Variants in ALK observed in about 807,000 individuals in gnomAD.
ALK encodes ALK receptor tyrosine kinase, also known as ALK tyrosine kinase receptor.
A neutral mutation model predicts 163.1 loss-of-function variants in ALK; 74 were observed. The ratio of observed to expected loss-of-function variants is 0.45; its 90% confidence interval spans 0.38 to 0.55. ALK has a LOEUF of 0.55. Ranked by LOEUF, ALK falls within the 20% of genes least tolerant of loss-of-function variation. The pLI is 0.00. For missense variants in ALK, 2,063 were observed against 2,105.3 expected, an observed-to-expected ratio of 0.98 and a Z score of 0.39; for synonymous variants, 960 against 843.2, an observed-to-expected ratio of 1.14 and a Z score of -2.40.
chr2:29,766,543 T>C (rs919856991), intron 1 of ALK, among the ~76,000 whole-genome samples: 24 of 152,182 alleles, frequency 1.6e-4, no homozygotes, highest in Non-Finnish European at 2.9e-4. Context: ...ATATTTCCCC[T>C]GGGTCTCCCA....
chr2:29,918,459 A>C (rs185841180), intron 1 of ALK, among the ~76,000 whole-genome samples: 11 of 152,382 alleles, frequency 7.2e-5, no homozygotes, highest in Non-Finnish European at 1.5e-4. Flanking sequence ...GTGGAACAAC[A>C]GTATCAGTCT....
intron 4 of ALK, among the ~76,000 whole-genome samples, chr2:29,475,174 A>C (rs1259200247): frequency 6.6e-6 from 1 of 152,200 alleles, no homozygotes; most frequent in Non-Finnish European, 1.5e-5. Flanking sequence ...CAAGCAAGGC[A>C]GTGGGCGAGG....
At chr2:29,483,565 T>A (rs1671715429) in intron 4 of ALK, among the ~76,000 whole-genome samples, 1 of 152,220 alleles carries the variant, frequency 6.6e-6, no homozygotes, top group South Asian at 2.1e-4. Flanking sequence ...AGACAGTTCA[T>A]CTCTAAATAA....
chr2:29,516,156 T>C (rs958814670), intron 4 of ALK, among the ~76,000 whole-genome samples: 3 of 152,222 alleles, frequency 2.0e-5, no homozygotes, highest in Non-Finnish European at 2.9e-5. Context: ...GAATACATTA[T>C]GTACATGTCT....
intron 5 of ALK, among the ~76,000 whole-genome samples, chr2:29,355,716 G>A (rs535212963): frequency 6.6e-6 from 1 of 152,218 alleles, no homozygotes; most frequent in African/African-American, 2.4e-5. Flanking sequence ...TTTAGGTCAG[G>A]CATTAAAACC....
chr2:29,446,144 A>AC (rs1670674318), intron 4 of ALK, among the ~76,000 whole-genome samples: 1 of 44,738 alleles, frequency 2.2e-5, no homozygotes, highest in Non-Finnish European at 7.8e-5. Flanking sequence ...GCTGTCTCAA[A>AC]AAAACAAACA....
chr2:29,511,146 G>T (rs189381672), intron 4 of ALK, among the ~76,000 whole-genome samples: 38 of 152,074 alleles, frequency 2.5e-4, no homozygotes, highest in Middle Eastern at 3.4e-3. Flanking sequence ...TGCAATAAAT[G>T]GTATCCATTT....
At chr2:29,761,062 G>T (rs971112370) in intron 1 of ALK, among the ~76,000 whole-genome samples, 4 of 152,152 alleles carry the variant, frequency 2.6e-5, no homozygotes, top group African/African-American at 9.7e-5. Flanking sequence ...CCTGCCCAGG[G>T]AGAACACAGC....
chr2:29,264,056 G>A (rs930806458), intron 11 of ALK, among the ~76,000 whole-genome samples: 3 of 152,130 alleles, frequency 2.0e-5, no homozygotes, highest in Non-Finnish European at 2.9e-5. Context: ...CAACTTTTTC[G>A]TGCTTCTTCA....
chr2:29,840,601 T>C (rs1457596817), intron 1 of ALK, among the ~76,000 whole-genome samples: 1 of 152,214 alleles, frequency 6.6e-6, no homozygotes, highest in African/African-American at 2.4e-5. Flanking sequence ...TTTTCAAATG[T>C]GTTTTCTGTT....
At chr2:29,250,496 G>A (rs1373421356) in intron 12 of ALK, among the ~76,000 whole-genome samples, 2 of 152,216 alleles carry the variant, frequency 1.3e-5, no homozygotes, top group African/African-American at 4.8e-5. Flanking sequence ...CTGCAGGAGG[G>A]GGTCTTGCAA....
chr2:29,485,305 CATCTT>C (rs1377603347), intron 4 of ALK, among the ~76,000 whole-genome samples: 1 of 152,178 alleles, frequency 6.6e-6, no homozygotes, highest in African/African-American at 2.4e-5. Flanking sequence ...TCCCAGAGTT[CATCTT>C]ATCTGCTGAG....
At chr2:29,465,701 A>G (rs1415993387) in intron 4 of ALK, among the ~76,000 whole-genome samples, 2 of 152,178 alleles carry the variant, frequency 1.3e-5, no homozygotes, top group Admixed American at 1.3e-4. Context: ...TTCAAAAAAA[A>G]ACAAAAACAA....
intron 3 of ALK, among the ~76,000 whole-genome samples, chr2:29,593,272 TCCCAGAAGAG>T (rs1284548048): frequency 1.3e-5 from 2 of 152,104 alleles, no homozygotes; most frequent in African/African-American, 2.4e-5. Flanking sequence ...GTCAGAAAAG[TCCCAGAAGAG>T]GGATGGCTGG....
chr2:29,898,089 G>A (rs1036357065), intron 1 of ALK, among the ~76,000 whole-genome samples: 4 of 152,214 alleles, frequency 2.6e-5, no homozygotes, highest in African/African-American at 9.6e-5. Context: ...AAAAGAAAGA[G>A]GGAGGGTGAA....
chr2:29,311,664 C>A (rs1666697997), intron 8 of ALK, among the ~76,000 whole-genome samples: 1 of 152,176 alleles, frequency 6.6e-6, no homozygotes, highest in Non-Finnish European at 1.5e-5. Flanking sequence ...CCAGGAGCTC[C>A]CCTGGGGAAA....
At chr2:29,767,614 T>C (rs562059275) in intron 1 of ALK, among the ~76,000 whole-genome samples, 2 of 152,314 alleles carry the variant, frequency 1.3e-5, no homozygotes, top group South Asian at 4.1e-4. Flanking sequence ...GTGTATTCAT[T>C]TTCCCGGGCC....
intron 5 of ALK, among the ~76,000 whole-genome samples, chr2:29,347,313 C>T (rs181321379): frequency 1.6e-4 from 25 of 152,346 alleles, no homozygotes; most frequent in African/African-American, 5.8e-4. Context: ...CACCCTCTTT[C>T]TGCCTAGAAT....
At position 29,232,384 on chromosome 2, in the gene ALK, G is replaced by A. The variant is rs571017977; in HGVS notation, c.2552C>T (p.Ala851Val). The part of the protein sequence containing the change: ...AAGGGGRAYG[A>V]KTDTFHPERL... ...CTCTGGGTGGAACGTGTCTGTCTTG[G>A]CCCCGTAGGCCCTGCCACCACCTCC... Residue 851 changes from alanine to valine, a missense_variant, in exon 15 of 29, where the codon GCC (alanine) becomes GTC (valine). Physicochemically the swap from Ala to Val is moderately conservative, Grantham distance 64. This residue lies in a region of ALK where 575 missense variants were observed against 626.6 expected (regional missense o/e 0.92). Coordinates refer to ENST00000389048, the MANE Select transcript of ALK (RefSeq NM_004304.5). The A allele has an allele frequency of 3.7e-6, 6 of 1,614,240 alleles. No individual in the cohort carries two copies. The highest frequency in any genetic ancestry group is 1.3e-5 in the African/African-American group (1 of 75,056).
Sources: gnomAD v4.1 joint callset for allele counts (sites outside exome capture counted in the v4.1 genomes callset) on GRCh38, gnomAD v4.1.1 for gene constraint, gnomAD v4.1.1 regional missense constraint, MANE v1.5 for transcripts, NCBI Gene and HGNC (gene_info 2026-07-23, HGNC 2026-07-21) for gene names.